NEDD4L: variants seen among roughly 807,000 people sequenced by gnomAD.
NEDD4L encodes E3 ubiquitin-protein ligase NEDD4-like.
NEDD4L carries 54 observed loss-of-function variants against 148.9 expected under a neutral mutation model. The observed-to-expected ratio is 0.36, with a 90% CI of 0.29 to 0.45. NEDD4L has a LOEUF of 0.45. NEDD4L is among the 20% of genes least tolerant of loss of function. NEDD4L has a pLI of 1.00. For synonymous variants in NEDD4L, 433 were observed against 440.7 expected, an observed-to-expected ratio of 0.98 and a Z score of 0.22; for missense variants, 856 against 1,233.8, an observed-to-expected ratio of 0.69 and a Z score of 4.59.
At chr18:58,304,921 G>C (rs2056898506) in intron 5 of NEDD4L, among the ~76,000 whole-genome samples, 2 of 152,204 alleles carry the variant, frequency 1.3e-5, no homozygotes, top group Admixed American at 1.3e-4. Flanking sequence ...CCCAGTGTTA[G>C]AGTGGCAGCC....
chr18:58,365,194 T>C (rs920588716), intron 20 of NEDD4L, among the ~76,000 whole-genome samples: 4 of 152,240 alleles, frequency 2.6e-5, no homozygotes, highest in African/African-American at 9.6e-5. Context: ...ATTCAAGAGC[T>C]TGCGGGTAAC....
intron 8 of NEDD4L, among the ~76,000 whole-genome samples, 153 bp from the exon 9 acceptor site, chr18:58,324,843 A>G (rs968122887): frequency 5.3e-5 from 8 of 152,066 alleles, no homozygotes; most frequent in African/African-American, 1.9e-4. Flanking sequence ...TTTGGCCTTC[A>G]TTTGGGAATT....
intron 1 of NEDD4L, among the ~76,000 whole-genome samples, chr18:58,145,716 G>T (rs1219481353): frequency 6.6e-6 from 1 of 151,866 alleles, no homozygotes; most frequent in Non-Finnish European, 1.5e-5. Context: ...TTTAGAAGTG[G>T]ATTACTTGCA....
chr18:58,304,069 T>C (rs1217746949), intron 5 of NEDD4L, among the ~76,000 whole-genome samples: 1 of 151,810 alleles, frequency 6.6e-6, no homozygotes, highest in Non-Finnish European at 1.5e-5. Flanking sequence ...CAGTTTTGGA[T>C]TGCACAAAAC....
intron 2 of NEDD4L, among the ~76,000 whole-genome samples, chr18:58,232,899 T>C (rs2045420435): frequency 6.6e-6 from 1 of 152,220 alleles, no homozygotes. Context: ...GCGTGTGTTT[T>C]GGACTGCAGG....
Position 58,343,038 on chromosome 18 carries a change from G to A in NEDD4L, c.1510G>A (p.Glu504Lys), listed in dbSNP as rs1027863827. The A allele has an allele frequency of 1.4e-5, 23 of 1,613,336 alleles. No individual in the cohort carries two copies. Among genetic ancestry groups the A allele is most frequent in the Non-Finnish European group, 1.9e-5 (23 of 1,179,634 alleles). ...ACAGAGCTTCTTGCCACCCGGCTGG[G>A]AAATGAGGATAGCGCCAAACGGCCG... ...VTQSFLPPGW[E>K]MRIAPNGRPF... The change falls in exon 16 of 31, where the codon GAA becomes AAA. Residue 504 changes from glutamate to lysine, a missense_variant. Physicochemically the swap from Glu to Lys is moderately conservative, Grantham distance 56. Coordinates refer to ENST00000400345, the MANE Select transcript of NEDD4L (RefSeq NM_001144967.3).
chr18:58,272,424 TC>T (rs2148830268), intron 5 of NEDD4L, among the ~76,000 whole-genome samples: 1 of 152,168 alleles, frequency 6.6e-6, no homozygotes, highest in Admixed American at 6.5e-5. Context: ...TCGTTTAAGC[TC>T]AGGAATTCAA....
At chr18:58,148,423 C>T (rs901821900) in intron 1 of NEDD4L, among the ~76,000 whole-genome samples, 39 of 152,204 alleles carry the variant, frequency 2.6e-4, no homozygotes, top group African/African-American at 8.2e-4. Context: ...GCCTCAGCCT[C>T]CCAAAGTGCT....
intron 1 of NEDD4L, among the ~76,000 whole-genome samples, chr18:58,066,948 CAT>C (rs1219296600): frequency 6.6e-6 from 1 of 152,174 alleles, no homozygotes; most frequent in East Asian, 1.9e-4. Context: ...TGCAATTCCA[CAT>C]GAGATTTGAG....
intron 2 of NEDD4L, among the ~76,000 whole-genome samples, chr18:58,239,880 A>C (rs955078142): frequency 2.6e-5 from 4 of 152,236 alleles, no homozygotes; most frequent in African/African-American, 9.6e-5. Context: ...ACTGGAGCAG[A>C]GGCCCAGAAG....
chr18:58,167,244 G>T (rs185087501), intron 2 of NEDD4L, among the ~76,000 whole-genome samples: 1 of 152,192 alleles, frequency 6.6e-6, no homozygotes. Context: ...TTGCTTGACC[G>T]TGAAGTCACA....
chr18:58,178,804 G>A (rs1375419422), intron 2 of NEDD4L, among the ~76,000 whole-genome samples: 1 of 152,206 alleles, frequency 6.6e-6, no homozygotes, highest in East Asian at 1.9e-4. Context: ...ATGTTATTGT[G>A]TGTCTCCTAT....
intron 1 of NEDD4L, among the ~76,000 whole-genome samples, chr18:58,048,367 G>A (rs1296798963): frequency 6.6e-6 from 1 of 152,122 alleles, no homozygotes; most frequent in Non-Finnish European, 1.5e-5. Context: ...TTTAAGATGC[G>A]CCATGAGAGC....
Position 58,248,943 on chromosome 18 carries a change from T to C in NEDD4L, c.243+6T>C. 1 of 1,442,604 alleles carries C rather than the reference T, an allele frequency of 6.9e-7. No individual in the cohort carries two copies. Among genetic ancestry groups the C allele is most frequent in the Non-Finnish European group, 9.5e-7 (1 of 1,050,184 alleles). 89.4% of individuals were successfully genotyped at this position (1,442,604 alleles called of 1,614,324 possible). ...ATGAAGAATTTTATTTCAGGGTAAG[T>C]TTTTCATTGTTTGGTAATAATTGTT... On this transcript the variant is annotated splice_donor_region_variant and intron_variant, in intron 4 of 30. Transcript: ENST00000400345.
At chr18:58,119,118 A>T (rs1568241705) in intron 1 of NEDD4L, among the ~76,000 whole-genome samples, 1 of 152,166 alleles carries the variant, frequency 6.6e-6, no homozygotes, top group Non-Finnish European at 1.5e-5. Context: ...CATTGAAAAC[A>T]CTTCACCTCT....
chr18:58,330,034 T>C (rs1381633152), intron 10 of NEDD4L, among the ~76,000 whole-genome samples: 2 of 152,208 alleles, frequency 1.3e-5, no homozygotes, highest in Admixed American at 6.5e-5. Flanking sequence ...TGTGTAATTT[T>C]CCCTTTAAAT....
intron 3 of NEDD4L, among the ~76,000 whole-genome samples, chr18:58,247,863 G>A (rs1426327164): frequency 6.6e-6 from 1 of 152,218 alleles, no homozygotes; most frequent in Non-Finnish European, 1.5e-5. Context: ...ATTCACATGG[G>A]AGAAAAGTAT....
chr18:58,122,355 C>T (rs1423492072), intron 1 of NEDD4L, among the ~76,000 whole-genome samples: 7 of 152,130 alleles, frequency 4.6e-5, no homozygotes, highest in African/African-American at 1.7e-4. Context: ...CAAAAATTAG[C>T]CGGGTGTGGT....
intron 4 of NEDD4L, 57 bp from the exon 5 acceptor site, chr18:58,251,944 C>T (rs375627631): frequency 1.2e-5 from 11 of 928,518 alleles, no homozygotes; most frequent in Middle Eastern, 2.1e-4. Context: ...CTGTTCCTTA[C>T]GTCGCTGTTC....
Sources: allele counts gnomAD v4.1 joint callset (sites outside exome capture counted in the v4.1 genomes callset), GRCh38; gene constraint gnomAD v4.1.1; transcripts MANE v1.5; gene names NCBI Gene and HGNC (gene_info 2026-07-23, HGNC 2026-07-21).